Variants in ST18 observed in about 807,000 individuals in gnomAD.
ST18 encodes the protein ST18 C2H2C-type zinc finger transcription factor, also known as suppression of tumorigenicity 18 protein.
Under a neutral mutation model 110.0 loss-of-function variants are expected in ST18, and 50 were observed. The observed-to-expected ratio is 0.45, with a 90% CI of 0.36 to 0.58. The LOEUF is 0.58. ST18 is among the 20% of genes least tolerant of loss of function. The pLI is 0.00. For synonymous variants in ST18, 461 were observed against 452.4 expected (o/e 1.02, Z -0.24); for missense variants, 1,306 against 1,280.1 (o/e 1.02, Z -0.31).
intron 2 of ST18, among the ~76,000 whole-genome samples, chr8:52,342,101 C>G (rs1390462460): frequency 6.6e-6 from 1 of 152,158 alleles, no homozygotes; most frequent in Non-Finnish European, 1.5e-5. Flanking sequence ...TAAGTGTTCA[C>G]ACCACAAAAC....
intron 8 of ST18, among the ~76,000 whole-genome samples, chr8:52,187,873 A>G (rs1170054805): frequency 6.6e-6 from 1 of 152,206 alleles, no homozygotes; most frequent in African/African-American, 2.4e-5. Flanking sequence ...TGCAATCTAT[A>G]CTTAAAATAA....
intron 8 of ST18, among the ~76,000 whole-genome samples, chr8:52,188,986 G>C (rs2073453036): frequency 6.6e-6 from 1 of 152,194 alleles, no homozygotes. Context: ...TACTGCATAT[G>C]GTGACAGAAT....
At chr8:52,159,351 G>A (rs972725616) in intron 14 of ST18, among the ~76,000 whole-genome samples, 3 of 151,974 alleles carry the variant, frequency 2.0e-5, no homozygotes, top group Non-Finnish European at 4.4e-5. Context: ...TTGTATTTAC[G>A]CTTCTTATGA....
intron 17 of ST18, among the ~76,000 whole-genome samples, chr8:52,138,093 CAA>C (rs35928892): frequency 1.6e-3 from 95 of 59,562 alleles, no homozygotes; most frequent in Middle Eastern, 0.011. Flanking sequence ...AACTCTGTCT[CAA>C]AAAAAAAAAA....
chr8:52,302,252 T>G (rs2095736954), intron 2 of ST18, among the ~76,000 whole-genome samples: 1 of 152,122 alleles, frequency 6.6e-6, no homozygotes, highest in Non-Finnish European at 1.5e-5. Context: ...CAGAGAGGAA[T>G]GCTACAAATG....
chr8:52,246,088 T>G (rs1286454985), intron 2 of ST18, among the ~76,000 whole-genome samples: 1 of 152,124 alleles, frequency 6.6e-6, no homozygotes, highest in African/African-American at 2.4e-5. Context: ...CAACACTATA[T>G]TCAAATACTC....
chr8:52,159,386 G>T (rs544794397), intron 14 of ST18, among the ~76,000 whole-genome samples: 2 of 151,924 alleles, frequency 1.3e-5, no homozygotes, highest in African/African-American at 4.8e-5. Flanking sequence ...CTAATGTTAT[G>T]GGGCAGGTGC....
In ST18 at chr8:52,168,410, G is replaced by T. The variant is rs138510178; in HGVS notation, c.1070-1424C>A. Among the ~76,000 whole-genome samples the T allele has an allele frequency of 6.0e-3, 912 of 152,076 alleles. 16 individuals carry two copies. Among genetic ancestry groups the T allele is most frequent in the African/African-American group, 0.021 (850 of 41,444 alleles). Reference sequence around the variant, plus strand: ...TCACGGGATGCGACAGACATTTCCGGGGTGCTGTATTGTGAGAGCAGACGT... The same window carrying T: ...TCACGGGATGCGACAGACATTTCCGTGGTGCTGTATTGTGAGAGCAGACGT... On this transcript the variant is annotated intron_variant, in intron 10 of 25. Transcript: ENST00000689386.
intron 2 of ST18, among the ~76,000 whole-genome samples, chr8:52,308,913 C>A (rs2095856445): frequency 6.6e-6 from 1 of 152,194 alleles, no homozygotes; most frequent in Non-Finnish European, 1.5e-5. Context: ...TGCAAGTAAG[C>A]TAGTGTTCGC....
chr8:52,317,258 A>G lies in ST18; in HGVS notation c.-464-87181T>C, dbSNP rs1383330464. ...TTGATGAGATTATCCTGGATTACCC[A>G]GGTAGGCCCTAAATCCAATAATATG... On this transcript the variant is annotated intron_variant, in intron 2 of 25. Transcript: ENST00000689386. Among the ~76,000 whole-genome samples the G allele has an allele frequency of 2.0e-5, 3 of 152,344 alleles. No homozygotes were observed. In the East Asian group the frequency reaches 5.8e-4, roughly 29 times the overall value.
chr8:52,252,750 T>C (rs548185152), intron 2 of ST18, among the ~76,000 whole-genome samples: 16 of 152,124 alleles, frequency 1.1e-4, no homozygotes, highest in East Asian at 3.9e-4. Flanking sequence ...TCTATATTAA[T>C]CTAATATTGT....
At chr8:52,127,302 A>C (rs1354578878) in intron 22 of ST18, among the ~76,000 whole-genome samples, 1 of 152,204 alleles carries the variant, frequency 6.6e-6, no homozygotes, top group African/African-American at 2.4e-5. Flanking sequence ...TAATTTGATA[A>C]GCTATAGATT....
At chr8:52,128,199 C>CA (rs2047855339) in intron 22 of ST18, among the ~76,000 whole-genome samples, 1 of 152,194 alleles carries the variant, frequency 6.6e-6, no homozygotes, top group Non-Finnish European at 1.5e-5. Flanking sequence ...GAACTCCTGA[C>CA]AGCAAGTGAT....
chr8:52,243,740 T>C (rs965573904), intron 2 of ST18, among the ~76,000 whole-genome samples: 2 of 152,198 alleles, frequency 1.3e-5, no homozygotes, highest in Non-Finnish European at 2.9e-5. Flanking sequence ...TTGCCACATA[T>C]ATCATCATTG....
At chr8:52,378,126 G>A (rs749293819) in intron 2 of ST18, among the ~76,000 whole-genome samples, 4 of 152,120 alleles carry the variant, frequency 2.6e-5, no homozygotes, top group Non-Finnish European at 4.4e-5. Flanking sequence ...ATAGAGAAAG[G>A]ATGGTTAATG....
intron 2 of ST18, among the ~76,000 whole-genome samples, chr8:52,285,152 T>A (rs1383245411): frequency 1.3e-5 from 2 of 152,196 alleles, no homozygotes; most frequent in East Asian, 3.8e-4. Context: ...AAGACCCTTT[T>A]CAGTTCCAAG....
intron 8 of ST18, among the ~76,000 whole-genome samples, chr8:52,198,520 T>C (rs2076918528): frequency 6.6e-6 from 1 of 152,208 alleles, no homozygotes; most frequent in African/African-American, 2.4e-5. Context: ...CACTGGAACA[T>C]TGCATGAATC....
intron 8 of ST18, among the ~76,000 whole-genome samples, chr8:52,193,087 G>T (rs1287671274): frequency 6.6e-6 from 1 of 152,188 alleles, no homozygotes; most frequent in East Asian, 1.9e-4. Flanking sequence ...GAATCTGAAG[G>T]TCATGGTGAC....
At chr8:52,125,599 C>T (rs928461402) in intron 23 of ST18, among the ~76,000 whole-genome samples, 3 of 152,188 alleles carry the variant, frequency 2.0e-5, no homozygotes, top group Non-Finnish European at 4.4e-5. Flanking sequence ...CTCTACAATC[C>T]TCCTATCTCA....
Sources: gnomAD v4.1 joint callset for allele counts (sites outside exome capture counted in the v4.1 genomes callset) on GRCh38, gnomAD v4.1.1 for gene constraint, MANE v1.5 for transcripts, NCBI Gene and HGNC (gene_info 2026-07-23, HGNC 2026-07-21) for gene names.